The following RSPO2 variants were observed in gnomAD, a reference collection of about 807,000 sequenced individuals.
RSPO2 encodes the protein R-spondin 2, also known as R-spondin-2.
A neutral mutation model predicts 30.9 loss-of-function variants in RSPO2; 14 were observed. That is an observed-to-expected ratio of 0.45 (90% CI 0.30 to 0.71). RSPO2 has a LOEUF of 0.71. Ranked by LOEUF, RSPO2 falls within the 30% of genes least tolerant of loss-of-function variation. The probability of loss-of-function intolerance (pLI) is 0.08; values close to 1 mark genes in which losing one functional copy is unlikely to be tolerated. For synonymous variants in RSPO2, 107 were observed against 96.4 expected, an observed-to-expected ratio of 1.11 and a Z score of -0.64; for missense variants, 264 against 301.9, an observed-to-expected ratio of 0.87 and a Z score of 0.93.
Position 107,899,740 on chromosome 8 carries a change from A to G in RSPO2, c.*1335T>C, listed in dbSNP as rs1261730828. The stretch of plus-strand genomic sequence containing the variant: ...ATAATCATGCTTTGTGAAAAAGCCA[A>G]TTCACAACCTTCTAAAAACTGGTTC... On this transcript the variant is annotated 3_prime_UTR_variant, in exon 6 of 6. Transcript: ENST00000276659. 1 of 152,284 alleles carries G rather than the reference A, an allele frequency of 6.6e-6. No individual in the cohort carries two copies. Among genetic ancestry groups the G allele is most frequent in the African/African-American group, 2.4e-5 (1 of 41,462 alleles). The allele number at this position is 152,284 out of a possible 1,614,324, so 9.4% of individuals were successfully genotyped here.
intron 5 of RSPO2, among the ~76,000 whole-genome samples, chr8:107,941,767 A>T (rs1233058749): frequency 1.3e-5 from 2 of 152,156 alleles, no homozygotes; most frequent in Non-Finnish European, 2.9e-5. Flanking sequence ...TTGATTGAAC[A>T]CTCTATAAAC....
intron 3 of RSPO2, among the ~76,000 whole-genome samples, chr8:107,962,213 G>A (rs781122607): frequency 2.6e-5 from 4 of 151,180 alleles, no homozygotes; most frequent in Non-Finnish European, 5.9e-5. Flanking sequence ...CGATAAAGGG[G>A]TAAAAAAAAA....
intron 4 of RSPO2, among the ~76,000 whole-genome samples, chr8:107,958,725 G>A (rs758724307): frequency 6.6e-6 from 1 of 152,070 alleles, no homozygotes; most frequent in Non-Finnish European, 1.5e-5. Flanking sequence ...AGGACCTAGT[G>A]TGTGTTGTTT....
chr8:107,976,758 C>G (rs140986645), intron 3 of RSPO2, among the ~76,000 whole-genome samples: 56 of 152,292 alleles, frequency 3.7e-4, no homozygotes, highest in Non-Finnish European at 7.2e-4. Context: ...GCACAGTCCA[C>G]CATGATCCCT....
chr8:107,943,780 ATTACT>A (rs1175123981), intron 5 of RSPO2, among the ~76,000 whole-genome samples: 1 of 152,232 alleles, frequency 6.6e-6, no homozygotes, highest in African/African-American at 2.4e-5. Flanking sequence ...TGAGGCCAAA[ATTACT>A]TTAAATTACT....
chr8:108,024,317 T>A (rs532641364), intron 2 of RSPO2, among the ~76,000 whole-genome samples: 1 of 151,716 alleles, frequency 6.6e-6, no homozygotes, highest in South Asian at 2.1e-4. Flanking sequence ...CACAGGAGAG[T>A]AATTGGATAA....
chr8:107,909,223 C>T (rs1353161776), intron 5 of RSPO2, among the ~76,000 whole-genome samples: 1 of 151,486 alleles, frequency 6.6e-6, no homozygotes. Context: ...GTGCTCTGAG[C>T]CTAGTTCAGT....
chr8:107,902,341 G>A (rs1258505727), intron 5 of RSPO2, among the ~76,000 whole-genome samples: 1 of 152,080 alleles, frequency 6.6e-6, no homozygotes, highest in Non-Finnish European at 1.5e-5. Context: ...TTCTCTTCCT[G>A]TAAGGTGTAG....
At chr8:107,999,176 CAT>C (rs1815138545) in intron 2 of RSPO2, among the ~76,000 whole-genome samples, 1 of 151,554 alleles carries the variant, frequency 6.6e-6, no homozygotes, top group African/African-American at 2.4e-5. Flanking sequence ...TTGAGAAACT[CAT>C]ATTAATTTAT....
At chr8:108,031,074 A>G (rs1416163199) in intron 2 of RSPO2, among the ~76,000 whole-genome samples, 1 of 152,232 alleles carries the variant, frequency 6.6e-6, no homozygotes, top group Non-Finnish European at 1.5e-5. Context: ...TTCAGGTTCC[A>G]TCAATTCCAT....
intron 2 of RSPO2, among the ~76,000 whole-genome samples, chr8:108,078,823 A>C (rs1280678493): frequency 6.6e-6 from 1 of 152,210 alleles, no homozygotes; most frequent in Non-Finnish European, 1.5e-5. Context: ...TGAATTATAC[A>C]TTTGGAAACC....
At chr8:107,917,023 A>C (rs977600394) in intron 5 of RSPO2, among the ~76,000 whole-genome samples, 1 of 152,198 alleles carries the variant, frequency 6.6e-6, no homozygotes, top group African/African-American at 2.4e-5. Context: ...ATTTTTATGC[A>C]ATATTAAAAC....
intron 5 of RSPO2, among the ~76,000 whole-genome samples, chr8:107,928,131 T>C (rs1004004801): frequency 9.2e-5 from 14 of 152,190 alleles, no homozygotes; most frequent in Non-Finnish European, 2.1e-4. Context: ...TTAAGTATTC[T>C]TAATAACCTT....
intron 5 of RSPO2, among the ~76,000 whole-genome samples, chr8:107,939,024 G>T (rs1272737281): frequency 6.6e-6 from 1 of 152,144 alleles, no homozygotes; most frequent in East Asian, 1.9e-4. Flanking sequence ...CCCTCCAAGA[G>T]CGAAGCCAGG....
At chr8:107,935,215 CT>C (rs1345224222) in intron 5 of RSPO2, among the ~76,000 whole-genome samples, 2 of 152,262 alleles carry the variant, frequency 1.3e-5, no homozygotes, top group African/African-American at 4.8e-5. Context: ...ATCTTGCACT[CT>C]GGGAGTGTCT....
intron 5 of RSPO2, among the ~76,000 whole-genome samples, chr8:107,919,327 T>C (rs1240364811): frequency 6.6e-6 from 1 of 152,220 alleles, no homozygotes; most frequent in Non-Finnish European, 1.5e-5. Context: ...ACCTCCAAGC[T>C]GTCTTTGTTT....
intron 2 of RSPO2, among the ~76,000 whole-genome samples, chr8:108,025,857 A>G (rs1169575435): frequency 6.6e-6 from 1 of 152,242 alleles, no homozygotes; most frequent in Non-Finnish European, 1.5e-5. Context: ...GTTAATGAAT[A>G]TAAAATTAAT....
chr8:107,933,364 T>G (rs953462118), intron 5 of RSPO2, among the ~76,000 whole-genome samples: 2 of 152,148 alleles, frequency 1.3e-5, no homozygotes, highest in Non-Finnish European at 2.9e-5. Flanking sequence ...GTATACGAAA[T>G]ATACACATAT....
chr8:107,916,278 GT>G (rs1215504696), intron 5 of RSPO2, among the ~76,000 whole-genome samples: 1 of 152,090 alleles, frequency 6.6e-6, no homozygotes, highest in Non-Finnish European at 1.5e-5. Context: ...TTAAAAAATT[GT>G]TCAATATACC....
Sources: gnomAD v4.1 joint callset for allele counts (sites outside exome capture counted in the v4.1 genomes callset) on GRCh38, gnomAD v4.1.1 for gene constraint, MANE v1.5 for transcripts, NCBI Gene and HGNC (gene_info 2026-07-23, HGNC 2026-07-21) for gene names.